Variants in KAZN observed in about 807,000 individuals in gnomAD.
KAZN encodes the protein kazrin, periplakin interacting protein, also known as kazrin.
Under a neutral mutation model 87.4 loss-of-function variants are expected in KAZN, and 40 were observed. That is an observed-to-expected ratio of 0.46 (90% CI 0.36 to 0.60). The LOEUF is 0.60. KAZN is among the 20% of genes least tolerant of loss of function. KAZN has a pLI of 0.00. For synonymous variants in KAZN, 466 were observed against 458.3 expected (o/e 1.02, Z -0.22); for missense variants, 898 against 1,073.9 (o/e 0.84, Z 2.29).
chr1:14,729,541 A>C (rs907400900), intron 1 of KAZN, among the ~76,000 whole-genome samples: 4 of 152,358 alleles, frequency 2.6e-5, no homozygotes. Flanking sequence ...AAGAGCAGGG[A>C]ATTCCAGAAT....
intron 1 of KAZN, among the ~76,000 whole-genome samples, chr1:14,062,094 G>A (rs753406053): frequency 3.9e-5 from 6 of 152,126 alleles, no homozygotes; most frequent in Non-Finnish European, 8.8e-5. Context: ...ATAGAAAGAG[G>A]AAGAATCAGA....
intron 1 of KAZN, among the ~76,000 whole-genome samples, chr1:13,951,689 A>T (rs1641351276): frequency 6.6e-6 from 1 of 151,908 alleles, no homozygotes; most frequent in Non-Finnish European, 1.5e-5. Context: ...TTCTGGGTTG[A>T]TTTGGGATGA....
rs183246556 is a variant in KAZN at position 14,133,502 on chromosome 1, G to C, written c.92-46933G>C. 1.5e-3 allele frequency among the ~76,000 whole-genome samples: 227 copies of C among 152,140 alleles called. 1 individual carries two copies. Among genetic ancestry groups the C allele is most frequent in the Middle Eastern group, 6.8e-3 (2 of 292 alleles). ...AAATAATTTTCTCCTCTATTATCTA[G>C]TAATGGGCAATTCCTCAGTGGACAA... On this transcript the variant is annotated intron_variant, in intron 1 of 16. Transcript: ENST00000636203.
At chr1:14,128,199 TG>T (rs1452005520) in intron 1 of KAZN, among the ~76,000 whole-genome samples, 1 of 151,890 alleles carries the variant, frequency 6.6e-6, no homozygotes, top group Non-Finnish European at 1.5e-5. Context: ...GGGGATAAGG[TG>T]GTACTGCACC....
chr1:14,190,112 CAG>C (rs1646393120), intron 2 of KAZN, among the ~76,000 whole-genome samples: 1 of 152,156 alleles, frequency 6.6e-6, no homozygotes, highest in African/African-American at 2.4e-5. Flanking sequence ...AGGCTTGTGA[CAG>C]AGCTAGAAAC....
intron 1 of KAZN, among the ~76,000 whole-genome samples, chr1:14,754,185 A>G (rs1252922616): frequency 1.3e-5 from 2 of 152,308 alleles, no homozygotes; most frequent in East Asian, 3.9e-4. Flanking sequence ...GGACAGCTGC[A>G]GGGCCCACCC....
chr1:14,708,875 C>T (rs1267008800), intron 1 of KAZN, among the ~76,000 whole-genome samples: 5 of 152,198 alleles, frequency 3.3e-5, no homozygotes, highest in Non-Finnish European at 7.3e-5. Flanking sequence ...CTCATCAGGT[C>T]CTTGAGTTTA....
intron 2 of KAZN, among the ~76,000 whole-genome samples, chr1:14,186,814 A>AGCTT (rs1646317353): frequency 6.6e-6 from 1 of 152,130 alleles, no homozygotes; most frequent in African/African-American, 2.4e-5. Flanking sequence ...CTCAGTACAC[A>AGCTT]GCTTGGCACT....
chr1:15,071,191 G>GC (rs745944013), intron 8 of KAZN, among the ~76,000 whole-genome samples: 9 of 152,140 alleles, frequency 5.9e-5, no homozygotes, highest in Non-Finnish European at 1.0e-4. Context: ...CCCCCTGTGG[G>GC]CAAATTGAGG....
chr1:14,284,352 A>T (rs1022609589), intron 2 of KAZN, among the ~76,000 whole-genome samples: 2 of 152,180 alleles, frequency 1.3e-5, no homozygotes, highest in Admixed American at 6.5e-5. Context: ...GTTGCTGAGG[A>T]CTAAGTGGCA....
chr1:14,757,930 G>C (rs970271574), intron 1 of KAZN, among the ~76,000 whole-genome samples: 1 of 152,152 alleles, frequency 6.6e-6, no homozygotes, highest in African/African-American at 2.4e-5. Flanking sequence ...GGAGGAATAC[G>C]TTTTGGTTAA....
At chr1:14,902,418 C>T (rs1010561447) in intron 1 of KAZN, among the ~76,000 whole-genome samples, 3 of 151,910 alleles carry the variant, frequency 2.0e-5, no homozygotes, top group Non-Finnish European at 2.9e-5. Context: ...TTAGTAGAGA[C>T]GGGGTTTCAC....
In KAZN at chr1:14,669,133, G is replaced by A. The variant is rs114313635; in HGVS notation, c.226+69910G>A. Among the ~76,000 whole-genome samples the A allele has an allele frequency of 4.7e-3, 710 of 152,314 alleles. 3 individuals carry two copies. Among genetic ancestry groups the A allele is most frequent in the Non-Finnish European group, 6.6e-3 (447 of 68,036 alleles). ...GAGTGGGACCTTTATTCAAGGCTAG[G>A]AGTTGGCCTGGGGTGCAGCCACCAT... is the stretch of plus-strand genomic sequence containing the variant. On this transcript the variant is annotated intron_variant, in intron 1 of 14. Coordinates refer to ENST00000376030, the MANE Select transcript of KAZN (RefSeq NM_201628.3).
intron 1 of KAZN, among the ~76,000 whole-genome samples, chr1:14,046,801 A>T (rs1642094677): frequency 6.6e-6 from 1 of 152,234 alleles, no homozygotes; most frequent in Non-Finnish European, 1.5e-5. Context: ...GTCATCTGGC[A>T]GCAGGCCCTG....
chr1:14,452,499 C>A (rs747089654), intron 2 of KAZN, among the ~76,000 whole-genome samples: 4 of 152,170 alleles, frequency 2.6e-5, no homozygotes, highest in Admixed American at 1.3e-4. Context: ...AGGCAAAAGG[C>A]GCTCAGTCAC....
In KAZN at chr1:14,658,308, A is replaced by G. The variant is rs148427185; in HGVS notation, c.226+59085A>G. ...GAGGGACCTGGGATACAGATGATACAGAAATTGTGTTTGGGACATAGTAAG... is the reference window on the plus strand; with the variant it reads ...GAGGGACCTGGGATACAGATGATACGGAAATTGTGTTTGGGACATAGTAAG... On this transcript the variant is annotated intron_variant, in intron 1 of 14. Transcript: ENST00000376030. Among the ~76,000 whole-genome samples, 8 of 152,340 alleles carry G rather than the reference A, an allele frequency of 5.3e-5. No individual in the cohort carries two copies. The East Asian group carries it at 1.5e-3, about 29-fold the overall frequency.
rs189302537 is a variant in KAZN at position 14,763,432 on chromosome 1, G to A, written c.226+164209G>A. Among the ~76,000 whole-genome samples, 7 of 152,308 alleles carry A rather than the reference G, an allele frequency of 4.6e-5. No homozygotes were observed. The East Asian group carries it at 9.6e-4, about 21-fold the overall frequency. ...GCCAGGGCCCCTGAGGATAAAGCGA[G>A]CACCTAAATCAATACCCCCAATAAC... On this transcript the variant is annotated intron_variant, in intron 1 of 14. Transcript: ENST00000376030.
intron 1 of KAZN, among the ~76,000 whole-genome samples, chr1:14,869,643 G>C (rs950517003): frequency 2.6e-5 from 4 of 152,186 alleles, no homozygotes; most frequent in African/African-American, 9.7e-5. Flanking sequence ...TATTGATTCT[G>C]ATTGGGTTCG....
In KAZN at chr1:14,715,684, A is replaced by G. The variant is rs140942890; in HGVS notation, c.226+116461A>G. ...AGGTTGATATTTTTCCTTTACCCTG[A>G]AAGTCTCTGCAGCAAATGTGCAGTC... On this transcript the variant is annotated intron_variant, in intron 1 of 14. Coordinates refer to ENST00000376030, the MANE Select transcript of KAZN (RefSeq NM_201628.3). Among the ~76,000 whole-genome samples the G allele has an allele frequency of 8.5e-3, 1,292 of 152,334 alleles. 24 individuals are homozygous for G. Among genetic ancestry groups the G allele is most frequent in the African/African-American group, 0.029 (1,211 of 41,570 alleles).
Sources: allele counts gnomAD v4.1 joint callset (sites outside exome capture counted in the v4.1 genomes callset), GRCh38; gene constraint gnomAD v4.1.1; transcripts MANE v1.5; gene names NCBI Gene and HGNC (gene_info 2026-07-23, HGNC 2026-07-21).